RASGRP3: variants seen among roughly 807,000 people sequenced by gnomAD.
RASGRP3 encodes the protein RAS guanyl releasing protein 3.
In RASGRP3, 54 loss-of-function variants were observed where a neutral mutation model predicts 82.7. The observed-to-expected ratio is 0.65, with a 90% CI of 0.52 to 0.82. The LOEUF (loss-of-function observed/expected upper bound fraction) is 0.82, where lower values mean the gene tolerates loss of function less well. Among genes scored for constraint, RASGRP3 ranks in the 40% least tolerant of loss-of-function variants. The pLI is 0.00. For missense variants in RASGRP3, 861 were observed against 828.9 expected, an observed-to-expected ratio of 1.04 and a Z score of -0.48; for synonymous variants, 309 against 300.5, an observed-to-expected ratio of 1.03 and a Z score of -0.29.
chr2:33,530,351 G>A (rs1356239900), intron 10 of RASGRP3, among the ~76,000 whole-genome samples: 2 of 152,156 alleles, frequency 1.3e-5, no homozygotes, highest in Non-Finnish European at 2.9e-5. Context: ...CGTGTGGTAG[G>A]CTGTAGGGCA....
At chr2:33,447,167 G>A (rs1665546595) in intron 1 of RASGRP3, among the ~76,000 whole-genome samples, 1 of 152,000 alleles carries the variant, frequency 6.6e-6, no homozygotes, top group African/African-American at 2.4e-5. Context: ...TGGGCCTTCA[G>A]GGAAGGTCAA....
rs199530004 is a variant in RASGRP3 at position 33,516,656 on chromosome 2, A to G, written c.173+12A>G. ...AAACTTCTCTGCATATATCTTTTCA[A>G]CTACTGTGTAATTTTTACAATCATA... On this transcript the variant is annotated intron_variant, in intron 4 of 17. Coordinates refer to ENST00000403687, the MANE Select transcript of RASGRP3 (RefSeq NM_001139488.2). 13 of 1,467,424 alleles carry G rather than the reference A, an allele frequency of 8.9e-6. No homozygotes were observed. Among genetic ancestry groups the G allele is most frequent in the Non-Finnish European group, 1.2e-5 (13 of 1,063,688 alleles). 90.9% of individuals were successfully genotyped at this position (1,467,424 alleles called of 1,614,324 possible).
intron 12 of RASGRP3, 120 bp downstream of exon 12, chr2:33,539,330 A>T (rs1390926468): frequency 3.9e-6 from 3 of 776,508 alleles, no homozygotes; most frequent in Non-Finnish European, 6.4e-6. Context: ...GCAGGTAGGA[A>T]CAATTTAGCA....
rs879744839 is a variant in RASGRP3 at position 33,450,818 on chromosome 2, C to CTTTTTTTTTTTTTTTTTTTTTTTT, written c.-261+2878_-261+2879insTTTTTTTTTTTTTTTTTTTTTTTT. Among the ~76,000 whole-genome samples, 61 of 43,396 alleles carry CTTTTTTTTTTTTTTTTTTTTTTTT rather than the reference C, an allele frequency of 1.4e-3. 11 individuals are homozygous for CTTTTTTTTTTTTTTTTTTTTTTTT. The highest frequency in any genetic ancestry group is 2.3e-3 in the Non-Finnish European group (49 of 21,632). The allele number at this position is 43,396 out of a possible 152,430, so 28.5% of individuals were successfully genotyped here. A position where few individuals can be genotyped will look rare whatever the true frequency, so the allele number is the denominator to read the frequency against. On this transcript the variant is annotated intron_variant, in intron 2 of 18. Coordinates refer to the RASGRP3 transcript ENST00000402538. ...CTTTTCTTTCTTTTTCTCTTTCTTT[C>CTTTTTTTTTTTTTTTTTTTTTTTT]TTTCTTTTTTTTTTTTTTTTTTTTT...
chr2:33,483,487 T>TA (rs5830259), intron 1 of RASGRP3, among the ~76,000 whole-genome samples: 1 of 11,078 alleles, frequency 9.0e-5, no homozygotes, highest in Non-Finnish European at 2.1e-4. Context: ...TTAGCCACTA[T>TA]TTTTTTTTTT....
At chr2:33,505,475 T>C (rs1670280418) in intron 1 of RASGRP3, among the ~76,000 whole-genome samples, 1 of 152,056 alleles carries the variant, frequency 6.6e-6, no homozygotes, top group African/African-American at 2.4e-5. Flanking sequence ...GCTAATTTTG[T>C]ATTTTTAGTA....
At chr2:33,534,297 T>C (rs997443067) in intron 10 of RASGRP3, 26 bp from the exon 11 acceptor site, 1 of 1,467,914 alleles carries the variant, frequency 6.8e-7, no homozygotes, top group Non-Finnish European at 9.5e-7. Flanking sequence ...AATCCGACAT[T>C]TTTATCCCTT....
intron 1 of RASGRP3, among the ~76,000 whole-genome samples, chr2:33,487,646 C>G (rs1019289005): frequency 6.6e-6 from 1 of 152,146 alleles, no homozygotes; most frequent in African/African-American, 2.4e-5. Flanking sequence ...TTTGAGATTT[C>G]CACCTGTAGT....
At chr2:33,539,240 G>C in intron 12 of RASGRP3, 30 bp downstream of exon 12, 1 of 1,470,256 alleles carries the variant, frequency 6.8e-7, no homozygotes, top group Non-Finnish European at 9.4e-7. Flanking sequence ...TAAAGAGAGG[G>C]CACTAGAAGA....
Position 33,484,730 on chromosome 2 carries a change from C to T in RASGRP3, c.-261+8023C>T, listed in dbSNP as rs149334675. ...TAAAATAACGCTTATTTTCACATCA[C>T]TCAGAGGTAGACAGATTAGCACTCT... On this transcript the variant is annotated intron_variant, in intron 1 of 17. Coordinates refer to ENST00000403687, the MANE Select transcript of RASGRP3 (RefSeq NM_001139488.2). Among the ~76,000 whole-genome samples the T allele has an allele frequency of 8.5e-4, 129 of 152,266 alleles. 1 individual carries two copies. The East Asian group carries it at 0.015, about 18-fold the overall frequency.
At chr2:33,446,199 C>G (rs567215359) in intron 1 of RASGRP3, among the ~76,000 whole-genome samples, 22 of 152,246 alleles carry the variant, frequency 1.4e-4, no homozygotes, top group African/African-American at 5.3e-4. Flanking sequence ...GCTCTGTCGC[C>G]CAGGCTGGAG....
intron 1 of RASGRP3, among the ~76,000 whole-genome samples, chr2:33,491,219 G>C (rs1668814464): frequency 2.0e-5 from 3 of 152,114 alleles, no homozygotes; most frequent in Non-Finnish European, 4.4e-5. Flanking sequence ...GGGGGGCTGA[G>C]GCAGGAGACT....
chr2:33,552,882 A>T (rs937977695), intron 14 of RASGRP3, among the ~76,000 whole-genome samples: 1 of 152,180 alleles, frequency 6.6e-6, no homozygotes, highest in Admixed American at 6.6e-5. Context: ...TTACACCACA[A>T]TTACTCCAAA....
At position 33,541,399 on chromosome 2, in the gene RASGRP3, G is replaced by T. The variant is rs1327616046; in HGVS notation, c.1279-2113G>T. On this transcript the variant is annotated intron_variant, in intron 12 of 17. Transcript: ENST00000403687. Reference sequence around the variant, plus strand: ...ATACATGTGTATCTTACGCAACTTTGTTCGATTATTTCTTTAGGACAGATT... The same window carrying T: ...ATACATGTGTATCTTACGCAACTTTTTTCGATTATTTCTTTAGGACAGATT... Among the ~76,000 whole-genome samples the T allele has an allele frequency of 2.0e-5, 3 of 146,414 alleles. 1 individual carries two copies. Among genetic ancestry groups the T allele is most frequent in the Non-Finnish European group, 4.6e-5 (3 of 65,510 alleles).
At chr2:33,537,602 C>T (rs1009254961) in intron 11 of RASGRP3, among the ~76,000 whole-genome samples, 1 of 152,028 alleles carries the variant, frequency 6.6e-6, no homozygotes, top group African/African-American at 2.4e-5. Context: ...CTCAGGTGAT[C>T]CACCTGCCTC....
intron 1 of RASGRP3, among the ~76,000 whole-genome samples, chr2:33,441,556 T>C (rs1164736602): frequency 6.6e-6 from 1 of 152,206 alleles, no homozygotes; most frequent in African/African-American, 2.4e-5. Context: ...GGAAGAAGAC[T>C]CCATGGAATT....
intron 4 of RASGRP3, 29 bp from the exon 5 acceptor site, chr2:33,519,923 C>T: frequency 6.4e-7 from 1 of 1,573,074 alleles, no homozygotes; most frequent in Non-Finnish European, 8.7e-7. Context: ...AAAGGAGGTG[C>T]AAGGATTTTT....
chr2:33,493,442 CT>C (rs930861540), intron 1 of RASGRP3, among the ~76,000 whole-genome samples: 42 of 152,268 alleles, frequency 2.8e-4, no homozygotes, highest in African/African-American at 1.0e-3. Context: ...ACTTGAAAGT[CT>C]TTTCTGGAAG....
intron 1 of RASGRP3, among the ~76,000 whole-genome samples, chr2:33,509,368 C>T (rs1422631340): frequency 6.6e-6 from 1 of 151,862 alleles, no homozygotes; most frequent in Non-Finnish European, 1.5e-5. Context: ...TGCCACTGCA[C>T]TCCAGCCTGG....
Sources: gnomAD v4.1 joint callset for allele counts (sites outside exome capture counted in the v4.1 genomes callset) on GRCh38, gnomAD v4.1.1 for gene constraint, MANE v1.5 for transcripts, NCBI Gene and HGNC (gene_info 2026-07-23, HGNC 2026-07-21) for gene names.